POGLUT1: variants seen among roughly 807,000 people sequenced by gnomAD.
The protein encoded by POGLUT1 is 9630046K23Rik.
POGLUT1 carries 32 observed loss-of-function variants against 61.3 expected under a neutral mutation model. The observed-to-expected ratio is 0.52, with a 90% CI of 0.39 to 0.70. POGLUT1 has a LOEUF of 0.70. POGLUT1 is among the 30% of genes least tolerant of loss of function. The pLI, the probability that POGLUT1 is intolerant of heterozygous loss-of-function variation, is 0.00. For missense variants in POGLUT1, 411 were observed against 469.8 expected (o/e 0.87, Z 1.16); for synonymous variants, 158 against 158.2 (o/e 1.00, Z 0.01).
chr3:119,469,783 A>G (rs749951236), intron 1 of POGLUT1, 37 bp from the exon 2 acceptor site: 31 of 1,161,368 alleles, frequency 2.7e-5, no homozygotes, highest in Non-Finnish European at 3.9e-5. Context: ...ACATTCAGGA[A>G]AATTTTTTTA....
chr3:119,486,932 A>C lies in POGLUT1; in HGVS notation c.738A>C (p.Lys246Asn). ...AAAACCAGGCCTGGAAATCTATGAA[A>C]GTAATCACCAGTCATCTGACTAGAA... ...YTKNQAWKSM[K>N]DTLGKPAAKD... is the part of the protein sequence containing the mutation. The change falls in exon 7 of 11, where the codon AAA becomes AAC. Residue 246 changes from lysine (K) to asparagine (N), a missense_variant and splice_region_variant. Transcript: ENST00000295588. 1.3e-6 allele frequency: 2 copies of C among 1,576,762 alleles called. No individual in the cohort carries two copies. Among genetic ancestry groups the C allele is most frequent in the Non-Finnish European group, 1.7e-6 (2 of 1,146,062 alleles).
In POGLUT1 at chr3:119,469,888, C is replaced by G; in HGVS notation, c.154C>G (p.Gln52Glu). The G allele has an allele frequency of 6.2e-7, 1 of 1,602,068 alleles. No individual in the cohort carries two copies. Among genetic ancestry groups the G allele is most frequent in the Non-Finnish European group, 8.6e-7 (1 of 1,168,954 alleles). The change falls in exon 2 of 11, where the codon CAA (glutamine) becomes GAA (glutamate). Residue 52 changes from glutamine to glutamate, a missense_variant. Coordinates refer to ENST00000295588, the MANE Select transcript of POGLUT1 (RefSeq NM_152305.3). ...SLENYEPCSS[Q>E]NCSCYHGVIE... ...GGAGAATTACGAACCATGTTCAAGTCAAAACTGCAGCTGCTACCATGGGTG... is the reference window on the plus strand; with the variant it reads ...GGAGAATTACGAACCATGTTCAAGTGAAAACTGCAGCTGCTACCATGGGTG...
At chr3:119,486,163 C>T (rs543236854) in intron 6 of POGLUT1, among the ~76,000 whole-genome samples, 1 of 152,298 alleles carries the variant, frequency 6.6e-6, no homozygotes, top group South Asian at 2.1e-4. Flanking sequence ...ATCTTGAAGT[C>T]ACAAATTAAC....
intron 3 of POGLUT1, among the ~76,000 whole-genome samples, chr3:119,473,754 G>C (rs1026101869): frequency 6.7e-6 from 1 of 150,268 alleles, no homozygotes; most frequent in Non-Finnish European, 1.5e-5. Context: ...TCTGCCTCCC[G>C]GGTTCAAGCC....
rs145444039 is a variant in POGLUT1 at position 119,477,202 on chromosome 3, T to C, written c.321-111T>C. The C allele has an allele frequency of 2.6e-4, 271 of 1,024,714 alleles. 1 individual carries two copies. The African/African-American group carries it at 4.0e-3, about 15-fold the overall frequency. 63.5% of individuals were successfully genotyped at this position (1,024,714 alleles called of 1,614,324 possible). On this transcript the variant is annotated intron_variant, in intron 3 of 10. Coordinates refer to ENST00000295588, the MANE Select transcript of POGLUT1 (RefSeq NM_152305.3). ...GAGACTTTGCAGTAGACTGATGATA[T>C]GGAACACTGGAACACTGGCTTGTCT...
chr3:119,472,419 A>G (rs1262111016), intron 3 of POGLUT1, among the ~76,000 whole-genome samples: 2 of 152,208 alleles, frequency 1.3e-5, no homozygotes, highest in Non-Finnish European at 2.9e-5. Context: ...ATTTATTCTT[A>G]TAAGTATATA....
intron 3 of POGLUT1, 98 bp from the exon 4 acceptor site, chr3:119,477,215 C>A: frequency 1.7e-6 from 2 of 1,172,694 alleles, no homozygotes; most frequent in Non-Finnish European, 2.5e-6. Context: ...AACACTGGAA[C>A]ACTGGCTTGT....
In POGLUT1 at chr3:119,468,965, G is replaced by A. The variant is rs1272957403; in HGVS notation, c.-57G>A. Reference sequence around the variant, plus strand: ...GCTGCGGCTCCCGGGCCATCTTTGTGCGGGGCCGCGCTTCCGCCAGCGCCG... The same window carrying A: ...GCTGCGGCTCCCGGGCCATCTTTGTACGGGGCCGCGCTTCCGCCAGCGCCG... On this transcript the variant is annotated 5_prime_UTR_variant, in exon 1 of 11. Coordinates refer to ENST00000295588, the MANE Select transcript of POGLUT1 (RefSeq NM_152305.3). 6.8e-7 allele frequency: 1 copy of A among 1,478,934 alleles called. No homozygotes were observed. Among genetic ancestry groups the A allele is most frequent in the African/African-American group, 1.4e-5 (1 of 71,708 alleles). The allele number at this position is 1,478,934 out of a possible 1,614,324, so 91.6% of individuals were successfully genotyped here.
chr3:119,472,455 G>T lies in POGLUT1; in HGVS notation c.320+1003G>T, dbSNP rs1446382129. On this transcript the variant is annotated intron_variant, in intron 3 of 10. Coordinates refer to ENST00000295588, the MANE Select transcript of POGLUT1 (RefSeq NM_152305.3). ...AACAAGGCCGGGTGCGGTGGCTCAA[G>T]CCTGTAATCCCAGCACTTTGGGAGG... is the stretch of plus-strand genomic sequence containing the variant. Among the ~76,000 whole-genome samples the T allele has an allele frequency of 4.6e-5, 7 of 152,164 alleles. No individual in the cohort carries two copies. In the East Asian group the frequency reaches 7.7e-4, roughly 17 times the overall value.
chr3:119,471,594 TCTC>T (rs2107704902), intron 3 of POGLUT1, 142 bp downstream of exon 3: 1 of 772,444 alleles, frequency 1.3e-6, no homozygotes, highest in Non-Finnish European at 2.2e-6. Flanking sequence ...GACGAGCTCT[TCTC>T]CTTGCCTGGG....
intron 5 of POGLUT1, among the ~76,000 whole-genome samples, chr3:119,480,374 G>C (rs964125518): frequency 2.0e-5 from 3 of 151,504 alleles, no homozygotes; most frequent in Admixed American, 2.0e-4. Context: ...TCAGCCTCCC[G>C]AGTAGCTGGG....
intron 3 of POGLUT1, among the ~76,000 whole-genome samples, chr3:119,473,675 T>G (rs1453392408): frequency 7.9e-5 from 12 of 151,904 alleles, no homozygotes; most frequent in Admixed American, 2.0e-4. Flanking sequence ...TTTTTTTTTT[T>G]TGAGAGAGAG....
At chr3:119,469,547 G>C (rs761626294) in intron 1 of POGLUT1, among the ~76,000 whole-genome samples, 4 of 152,194 alleles carry the variant, frequency 2.6e-5, no homozygotes, top group Non-Finnish European at 5.9e-5. Context: ...GAAAGTGAGA[G>C]TCCGCGTCAC....
chr3:119,474,511 T>C (rs1265685847), intron 3 of POGLUT1, among the ~76,000 whole-genome samples: 1 of 152,146 alleles, frequency 6.6e-6, no homozygotes, highest in Non-Finnish European at 1.5e-5. Flanking sequence ...TAGTTTTCTA[T>C]AAATGGAATC....
Position 119,492,430 on chromosome 3 carries a change from G to A in POGLUT1, c.1171G>A (p.Glu391Lys). 1.3e-6 allele frequency: 2 copies of A among 1,598,108 alleles called. No individual in the cohort carries two copies. Among genetic ancestry groups the A allele is most frequent in the Non-Finnish European group, 1.7e-6 (2 of 1,169,638 alleles). The change falls in exon 11 of 11, where the codon GAA (glutamate) becomes AAA (lysine). Residue 391 changes from glutamate (E) to lysine (K), a missense_variant. By Grantham distance (56) the Glu-to-Lys change is moderately conservative. Coordinates refer to ENST00000295588, the MANE Select transcript of POGLUT1 (RefSeq NM_152305.3). ...DQIIPKMLKT[E>K]L is the part of the protein sequence containing the mutation. ...AATTATTCCCAAAATGTTGAAAACT[G>A]AACTATAGTAGTCATCATAGGACCA...
At chr3:119,473,713 T>G (rs1288159253) in intron 3 of POGLUT1, among the ~76,000 whole-genome samples, 2 of 151,104 alleles carry the variant, frequency 1.3e-5, no homozygotes, top group Non-Finnish European at 2.9e-5. Context: ...CAGTCTGGAG[T>G]GCAGTGGTGT....
At chr3:119,475,115 C>A (rs1031712449) in intron 3 of POGLUT1, among the ~76,000 whole-genome samples, 8 of 152,138 alleles carry the variant, frequency 5.3e-5, no homozygotes, top group African/African-American at 1.9e-4. Context: ...TCCCTGAGAC[C>A]TCTTTTCAAA....
In POGLUT1 at chr3:119,469,803, T is replaced by G. The variant is rs774245908; in HGVS notation, c.86-17T>G. 1.4e-6 allele frequency: 2 copies of G among 1,407,398 alleles called. No individual in the cohort carries two copies. The highest frequency in any genetic ancestry group is 1.2e-5 in the South Asian group (1 of 85,932). The allele number at this position is 1,407,398 out of a possible 1,614,324, so 87.2% of individuals were successfully genotyped here. The stretch of plus-strand genomic sequence containing the variant: ...CAGGAAAATTTTTTTAACTCTCATT[T>G]ACTTCACTTTTTAAAGGTTCAAAAT... On this transcript the variant is annotated splice_polypyrimidine_tract_variant and intron_variant, in intron 1 of 10. Coordinates refer to ENST00000295588, the MANE Select transcript of POGLUT1 (RefSeq NM_152305.3).
rs1377870741 is a variant in POGLUT1 at position 119,488,998 on chromosome 3, C to T, written c.797+11C>T. On this transcript the variant is annotated intron_variant, in intron 8 of 10. Transcript: ENST00000295588. ...TCACTGCAAATACAAGTAAGATTTG[C>T]AGGACTCCTCACTTTCTTGGTTTCC... 6.6e-7 allele frequency: 1 copy of T among 1,512,146 alleles called. No individual in the cohort carries two copies. Among genetic ancestry groups the T allele is most frequent in the Non-Finnish European group, 9.1e-7 (1 of 1,093,794 alleles). 93.7% of individuals were successfully genotyped at this position (1,512,146 alleles called of 1,614,324 possible). A position where few individuals can be genotyped will look rare whatever the true frequency, so the allele number is the denominator to read the frequency against.
Sources: gnomAD v4.1 joint callset for allele counts (sites outside exome capture counted in the v4.1 genomes callset) on GRCh38, gnomAD v4.1.1 for gene constraint, MANE v1.5 for transcripts, NCBI Gene and HGNC (gene_info 2026-07-23, HGNC 2026-07-21) for gene names.